ANO3: variants seen among roughly 807,000 people sequenced by gnomAD.
The protein encoded by ANO3 is anoctamin-3.
ANO3 carries 99 observed loss-of-function variants against 144.8 expected under a neutral mutation model. The ratio of observed to expected loss-of-function variants is 0.68; its 90% confidence interval spans 0.58 to 0.81. The LOEUF is 0.81. Ranked by LOEUF, ANO3 falls within the 30% of genes least tolerant of loss-of-function variation. The pLI is 0.00. For synonymous variants in ANO3, 414 were observed against 392.6 expected, an observed-to-expected ratio of 1.05 and a Z score of -0.64; for missense variants, 905 against 1,202.2, an observed-to-expected ratio of 0.75 and a Z score of 3.66.
intron 18 of ANO3, among the ~76,000 whole-genome samples, chr11:26,624,830 G>T (rs1852527698): frequency 2.0e-5 from 3 of 151,826 alleles, no homozygotes; most frequent in Non-Finnish European, 1.5e-5. Flanking sequence ...CTTTTTAAAA[G>T]CCAAAACAAT....
chr11:26,429,652 G>A (rs1435329581), intron 1 of ANO3, among the ~76,000 whole-genome samples: 2 of 152,090 alleles, frequency 1.3e-5, no homozygotes, highest in Non-Finnish European at 2.9e-5. Flanking sequence ...GCTGTATACA[G>A]GAGTCATACA....
intron 1 of ANO3, among the ~76,000 whole-genome samples, chr11:26,216,651 A>T (rs926303806): frequency 1.3e-5 from 2 of 151,976 alleles, no homozygotes; most frequent in Non-Finnish European, 2.9e-5. Context: ...TGATTACTAG[A>T]TTGTATAGTA....
intron 8 of ANO3, among the ~76,000 whole-genome samples, chr11:26,533,271 T>C (rs553177439): frequency 1.3e-5 from 2 of 152,116 alleles, no homozygotes; most frequent in East Asian, 1.9e-4. Context: ...CGGGTAAAAA[T>C]ATGTAGTGGC....
At chr11:26,424,125 C>G (rs562619193) in intron 1 of ANO3, among the ~76,000 whole-genome samples, 1 of 151,796 alleles carries the variant, frequency 6.6e-6, no homozygotes, top group Non-Finnish European at 1.5e-5. Flanking sequence ...CGGATTGCAG[C>G]AATAACTACC....
intron 3 of ANO3, among the ~76,000 whole-genome samples, chr11:26,445,513 T>G (rs74953022): frequency 0.041 from 6,285 of 152,286 alleles, 178 homozygotes; most frequent in East Asian, 0.11. Context: ...CTCATCACTT[T>G]TGTGTGTCTC....
Position 26,442,187 on chromosome 11 carries a change from T to C in ANO3, c.241+75T>C, listed in dbSNP as rs891064009. 8 of 1,437,548 alleles carry C rather than the reference T, an allele frequency of 5.6e-6. No homozygotes were observed. The Admixed American group carries it at 5.6e-5, about 10-fold the overall frequency. 89.0% of individuals were successfully genotyped at this position (1,437,548 alleles called of 1,614,324 possible). A position where few individuals can be genotyped will look rare whatever the true frequency, so the allele number is the denominator to read the frequency against. On this transcript the variant is annotated intron_variant, in intron 2 of 26. Transcript: ENST00000256737. ...TTCCAAACACTCCTTTCCTTCCTTT[T>C]TCCATTGGACCAGTTTTATAGAGCT...
At chr11:26,246,656 G>C (rs1193892625) in intron 1 of ANO3, among the ~76,000 whole-genome samples, 2 of 149,470 alleles carry the variant, frequency 1.3e-5, no homozygotes. Context: ...GTTTGGCTGT[G>C]TCCCTACCCA....
intron 1 of ANO3, chr11:26,287,363 G>A (rs1322898043): frequency 2.0e-5 from 3 of 152,096 alleles, no homozygotes; most frequent in Admixed American, 6.5e-5. Flanking sequence ...CCTTACATCT[G>A]TTTATTGATT....
intron 5 of ANO3, among the ~76,000 whole-genome samples, chr11:26,515,009 T>C (rs1861808404): frequency 6.6e-6 from 1 of 151,916 alleles, no homozygotes; most frequent in Non-Finnish European, 1.5e-5. Flanking sequence ...AATGAATCAA[T>C]AGTCACTTTA....
chr11:26,401,063 T>A (rs1237897728), intron 1 of ANO3, among the ~76,000 whole-genome samples: 1 of 152,036 alleles, frequency 6.6e-6, no homozygotes, highest in African/African-American at 2.4e-5. Context: ...ATATGCATCG[T>A]GTGATGACAT....
At chr11:26,263,390 T>G (rs567539779) in intron 1 of ANO3, among the ~76,000 whole-genome samples, 1 of 152,368 alleles carries the variant, frequency 6.6e-6, no homozygotes, top group African/African-American at 2.4e-5. Context: ...GGTCCGTACC[T>G]GACAAGACTG....
At chr11:26,523,522 A>G (rs1862170439) in intron 6 of ANO3, among the ~76,000 whole-genome samples, 1 of 152,230 alleles carries the variant, frequency 6.6e-6, no homozygotes, top group African/African-American at 2.4e-5. Context: ...CAAAAGGCCC[A>G]TCGCATTTTC....
intron 1 of ANO3, among the ~76,000 whole-genome samples, chr11:26,212,783 G>C (rs538462970): frequency 6.6e-6 from 1 of 151,842 alleles, no homozygotes; most frequent in African/African-American, 2.4e-5. Context: ...CTTTTTATGA[G>C]GCCAGCATCA....
intron 4 of ANO3, among the ~76,000 whole-genome samples, chr11:26,479,623 A>G (rs1286639588): frequency 1.3e-5 from 2 of 152,162 alleles, no homozygotes; most frequent in Non-Finnish European, 2.9e-5. Context: ...CAATTCAATT[A>G]TCTCCACCTG....
At chr11:26,518,935 T>C (rs1403080509) in intron 6 of ANO3, among the ~76,000 whole-genome samples, 1 of 152,126 alleles carries the variant, frequency 6.6e-6, no homozygotes, top group Non-Finnish European at 1.5e-5. Context: ...CAAAAGTATA[T>C]ATTTTCCACA....
At chr11:26,233,916 G>A (rs1165224166) in intron 1 of ANO3, among the ~76,000 whole-genome samples, 1 of 152,086 alleles carries the variant, frequency 6.6e-6, no homozygotes, top group East Asian at 1.9e-4. Flanking sequence ...CACAGGGAGG[G>A]GAACATTACA....
intron 1 of ANO3, among the ~76,000 whole-genome samples, chr11:26,436,311 C>T (rs1015477121): frequency 6.6e-6 from 1 of 152,186 alleles, no homozygotes; most frequent in African/African-American, 2.4e-5. Flanking sequence ...CAGGGAGTTA[C>T]AGAGCTGCTA....
At chr11:26,498,235 G>T (rs1861044810) in intron 4 of ANO3, among the ~76,000 whole-genome samples, 2 of 151,802 alleles carry the variant, frequency 1.3e-5, no homozygotes, top group South Asian at 4.1e-4. Context: ...TATTGTTTAG[G>T]GATTATGATT....
At chr11:26,467,142 A>G (rs1298052512) in intron 4 of ANO3, among the ~76,000 whole-genome samples, 2 of 151,958 alleles carry the variant, frequency 1.3e-5, no homozygotes, top group Admixed American at 6.6e-5. Flanking sequence ...CAAACATGCA[A>G]TGTTTTAAAC....
Sources: allele counts gnomAD v4.1 joint callset (sites outside exome capture counted in the v4.1 genomes callset), GRCh38; gene constraint gnomAD v4.1.1; transcripts MANE v1.5; gene names NCBI Gene and HGNC (gene_info 2026-07-23, HGNC 2026-07-21).